JADE3: variants seen among roughly 807,000 people sequenced by gnomAD.
JADE3 encodes the protein protein Jade-3.
Under a neutral mutation model 50.1 loss-of-function variants are expected in JADE3, and 2 were observed. The observed-to-expected ratio is 0.04, with a 90% CI of 0.02 to 0.13. The LOEUF (loss-of-function observed/expected upper bound fraction) is 0.13. Among genes scored for constraint, JADE3 ranks in the 10% least tolerant of loss-of-function variants. The probability of loss-of-function intolerance (pLI) is 1.00; values close to 1 mark genes in which losing one functional copy is unlikely to be tolerated. For missense variants in JADE3, 475 were observed against 634.4 expected (o/e 0.75, Z 2.70); for synonymous variants, 218 against 232.9 (o/e 0.94, Z 0.58).
At chrX:47,046,976 T>A (rs1169708713) in intron 8 of JADE3, among the ~76,000 whole-genome samples, 1 of 111,681 alleles carries the variant, frequency 9.0e-6, no homozygotes, top group Non-Finnish European at 1.9e-5. Flanking sequence ...GTGGCTAGAA[T>A]AAAAATCTTG....
At chrX:46,958,525 C>T (rs1927185003) in intron 1 of JADE3, among the ~76,000 whole-genome samples, 1 of 111,199 alleles carries the variant, frequency 9.0e-6, no homozygotes, top group South Asian at 3.8e-4. Context: ...TTTTTTTAAT[C>T]TATCAGCAGG....
intron 1 of JADE3, among the ~76,000 whole-genome samples, chrX:46,966,269 T>G (rs1927365595): frequency 8.9e-6 from 1 of 112,039 alleles, no homozygotes; most frequent in Non-Finnish European, 1.9e-5. Context: ...GTTGATCGTC[T>G]TCCAGCTTGA....
At chrX:46,983,483 C>T (rs1398125324) in intron 1 of JADE3, among the ~76,000 whole-genome samples, 2 of 111,048 alleles carry the variant, frequency 1.8e-5, no homozygotes, top group African/African-American at 6.6e-5. Context: ...AAGAAGGGAG[C>T]CCCCACCTCT....
chrX:46,929,662 C>T (rs1240145987), intron 1 of JADE3, among the ~76,000 whole-genome samples: 2 of 111,921 alleles, frequency 1.8e-5, no homozygotes, highest in African/African-American at 6.5e-5. Context: ...AGTGTGTGTA[C>T]CCTCTAGAAC....
intron 1 of JADE3, among the ~76,000 whole-genome samples, chrX:46,961,022 C>T (rs1299681080): frequency 1.8e-5 from 2 of 111,691 alleles, no homozygotes; most frequent in Admixed American, 9.5e-5. Context: ...CATCAAGTAT[C>T]ATAATCAGGT....
chrX:46,917,765 TTCTCTCTCTC>T (rs781969667), intron 1 of JADE3, among the ~76,000 whole-genome samples: 1 of 90,280 alleles, frequency 1.1e-5, no homozygotes, highest in Non-Finnish European at 2.2e-5. Flanking sequence ...AGGTGTTTCT[TTCTCTCTCTC>T]TCTCTCTCTC....
intron 1 of JADE3, among the ~76,000 whole-genome samples, chrX:46,976,658 C>G (rs1303828446): frequency 1.8e-5 from 2 of 111,525 alleles, no homozygotes; most frequent in African/African-American, 3.3e-5. Flanking sequence ...TGTAAGACAT[C>G]GAGATATATC....
chrX:47,009,199 T>G (rs1556361044), intron 4 of JADE3, among the ~76,000 whole-genome samples: 1 of 110,683 alleles, frequency 9.0e-6, no homozygotes, highest in Non-Finnish European at 1.9e-5. Flanking sequence ...GGCATGCGCC[T>G]GTAGTGGAGC....
chrX:47,010,563 C>G (rs1556361371), intron 4 of JADE3, among the ~76,000 whole-genome samples: 1 of 111,929 alleles, frequency 8.9e-6, no homozygotes, highest in Non-Finnish European at 1.9e-5. Context: ...TAAAATTCAC[C>G]CTTTTAAATT....
chrX:47,038,521 A>AT (rs1170524328), intron 7 of JADE3, among the ~76,000 whole-genome samples: 7 of 108,849 alleles, frequency 6.4e-5, no homozygotes, highest in Admixed American at 6.0e-4. Context: ...AGCCAAAAAT[A>AT]TTTTTTTTTA....
intron 1 of JADE3, among the ~76,000 whole-genome samples, chrX:46,942,647 T>G (rs1926788529): frequency 8.9e-6 from 1 of 112,177 alleles, no homozygotes; most frequent in Non-Finnish European, 1.9e-5. Context: ...TCCAGCTTTG[T>G]TCTTTTTGAC....
Position 46,928,108 on chromosome X carries a change from T to C in JADE3, c.-12+15389T>C, listed in dbSNP as rs78554238. Among the ~76,000 whole-genome samples, 51 of 111,973 alleles carry C rather than the reference T, an allele frequency of 4.6e-4. No individual in the cohort carries two copies. The East Asian group carries it at 0.014, about 31-fold the overall frequency. On this transcript the variant is annotated intron_variant, in intron 1 of 10. Transcript: ENST00000614628. ...GTCTTGAGCACACAATCTTAAGAGA[T>C]GTCACCTCTGGACTGTTTCTGCACT... is the stretch of plus-strand genomic sequence containing the variant.
chrX:47,024,308 A>AC (rs1178081488), intron 4 of JADE3, among the ~76,000 whole-genome samples: 1 of 111,644 alleles, frequency 9.0e-6, no homozygotes, highest in African/African-American at 3.3e-5. Context: ...ACATAGTGAG[A>AC]CCCCATCTCT....
At chrX:47,051,818 T>C in intron 8 of JADE3, among the ~76,000 whole-genome samples, 1 of 73,147 alleles carries the variant, frequency 1.4e-5, no homozygotes, top group Admixed American at 1.6e-4. Context: ...AAATTAGGCC[T>C]GGCACAGTGG....
At chrX:46,939,887 A>ATTCTTCT (rs1926715203) in intron 1 of JADE3, among the ~76,000 whole-genome samples, 1 of 111,742 alleles carries the variant, frequency 8.9e-6, no homozygotes, top group Admixed American at 9.5e-5. Context: ...AAAAACTCAG[A>ATTCTTCT]ATAGTTCATG....
At chrX:46,949,961 C>T (rs1480141984) in intron 1 of JADE3, among the ~76,000 whole-genome samples, 2 of 111,600 alleles carry the variant, frequency 1.8e-5, no homozygotes, top group South Asian at 7.5e-4. Flanking sequence ...CAAATGCCCT[C>T]CAGTAAGTAA....
intron 1 of JADE3, among the ~76,000 whole-genome samples, chrX:46,965,133 T>C (rs1927341140): frequency 8.9e-6 from 1 of 112,032 alleles, no homozygotes; most frequent in Non-Finnish European, 1.9e-5. Flanking sequence ...CCTATAGTTA[T>C]GGACATTCTG....
At chrX:47,046,065 G>GA (rs782362362) in intron 8 of JADE3, among the ~76,000 whole-genome samples, 3 of 108,509 alleles carry the variant, frequency 2.8e-5, no homozygotes, top group Non-Finnish European at 5.8e-5. Flanking sequence ...AGTTGAAATG[G>GA]AAAAAAAAGA....
chrX:47,001,666 T>C (rs1467467350), intron 4 of JADE3, among the ~76,000 whole-genome samples: 1 of 112,313 alleles, frequency 8.9e-6, no homozygotes, highest in Non-Finnish European at 1.9e-5. Flanking sequence ...GTAAGTCACC[T>C]TAAAAATTAA....
Sources: gnomAD v4.1 joint callset for allele counts (sites outside exome capture counted in the v4.1 genomes callset) on GRCh38, gnomAD v4.1.1 for gene constraint, MANE v1.5 for transcripts, NCBI Gene and HGNC (gene_info 2026-07-23, HGNC 2026-07-21) for gene names.